The following SEPTIN2 variants were observed in gnomAD, a reference collection of about 807,000 sequenced individuals.
The protein encoded by SEPTIN2 is septin 2.
A neutral mutation model predicts 46.5 loss-of-function variants in SEPTIN2; 34 were observed. The ratio of observed to expected loss-of-function variants is 0.73; its 90% CI spans 0.56 to 0.97. SEPTIN2 has a LOEUF of 0.97. Ranked by LOEUF, SEPTIN2 falls within the 50% of genes least tolerant of loss-of-function variation. The pLI is 0.00. For missense variants in SEPTIN2, 347 were observed against 448.4 expected, an observed-to-expected ratio of 0.77 and a Z score of 2.04; for synonymous variants, 175 against 153.4, an observed-to-expected ratio of 1.14 and a Z score of -1.04.
Position 241,324,342 on chromosome 2 carries a change from A to G in SEPTIN2, c.9+101A>G, listed in dbSNP as rs141070143. On this transcript the variant is annotated intron_variant, in intron 2 of 12. Transcript: ENST00000391971. ...TATATGATTCATTATTTTTAATACA[A>G]CTGATACATTTGATTCATTAACACA... 2.4e-3 allele frequency: 2,261 copies of G among 935,330 alleles called. 38 individuals are homozygous for G. In the East Asian group the frequency reaches 0.028, roughly 11 times the overall value. The allele number at this position is 935,330 out of a possible 1,614,324, so 57.9% of individuals were successfully genotyped here.
At chr2:241,351,137 G>A (rs2060754601) in intron 12 of SEPTIN2, among the ~76,000 whole-genome samples, 1 of 152,082 alleles carries the variant, frequency 6.6e-6, no homozygotes, top group South Asian at 2.1e-4. Context: ...ATGAAAACAG[G>A]GAGGGGACTT....
intron 3 of SEPTIN2, among the ~76,000 whole-genome samples, chr2:241,328,156 C>T (rs932616307): frequency 2.0e-5 from 3 of 152,134 alleles, no homozygotes; most frequent in African/African-American, 7.2e-5. Flanking sequence ...CATAACTGGT[C>T]GGGCGTGATG....
intron 3 of SEPTIN2, among the ~76,000 whole-genome samples, chr2:241,330,545 A>G (rs776790083): frequency 6.6e-6 from 1 of 152,202 alleles, no homozygotes; most frequent in Non-Finnish European, 1.5e-5. Flanking sequence ...GCTGATAGAT[A>G]TTTAGGGGTG....
chr2:241,343,871 C>G lies in SEPTIN2; in HGVS notation c.816C>G (p.Asp272Glu). 1.9e-6 allele frequency: 3 copies of G among 1,614,216 alleles called. No homozygotes were observed. Among genetic ancestry groups the G allele is most frequent in the Non-Finnish European group, 2.5e-6 (3 of 1,180,022 alleles). Residue 272 changes from aspartate (D) to glutamate (E), a missense_variant, in exon 9 of 13, where the codon GAC becomes GAG. Transcript: ENST00000391971. ...VVEVENPEHNDFLKLRTMLIT... is the reference protein window; with the variant it reads ...VVEVENPEHNEFLKLRTMLIT... ...AAGTGGAGAACCCAGAGCACAATGA[C>G]TTTCTGAAGCTGAGAACCATGCTCA...
chr2:241,320,844 CT>C lies in SEPTIN2; in HGVS notation c.-17-3371del, dbSNP rs2077015127. On this transcript the variant is annotated intron_variant, in intron 1 of 12. Coordinates refer to ENST00000391971, the MANE Select transcript of SEPTIN2 (RefSeq NM_004404.5). ...TTTGTTTACCCTTCTTTTTCCCCCC[CT>C]CATAATTCATTTTTTCTCTTTATTG... Among the ~76,000 whole-genome samples the C allele has an allele frequency of 2.6e-5, 4 of 152,068 alleles. No individual in the cohort carries two copies. In the South Asian group the frequency reaches 6.2e-4, roughly 24 times the overall value.
chr2:241,338,774 ATTATAT>A (rs1396219198), intron 7 of SEPTIN2, among the ~76,000 whole-genome samples: 2 of 107,564 alleles, frequency 1.9e-5, no homozygotes, highest in Admixed American at 1.2e-4. Flanking sequence ...GTTTATATAT[ATTATAT>A]TTATATTATT....
intron 3 of SEPTIN2, among the ~76,000 whole-genome samples, chr2:241,334,828 A>G (rs2079651082): frequency 6.6e-6 from 1 of 152,224 alleles, no homozygotes; most frequent in Non-Finnish European, 1.5e-5. Flanking sequence ...TCTAAAGTAC[A>G]TTCCTCACAT....
chr2:241,348,450 C>T (rs775957231), intron 11 of SEPTIN2, among the ~76,000 whole-genome samples: 5 of 152,076 alleles, frequency 3.3e-5, no homozygotes, highest in African/African-American at 1.2e-4. Flanking sequence ...AGGCTGGTCT[C>T]GAACTCCTAA....
chr2:241,330,941 T>G (rs538189309), intron 3 of SEPTIN2, among the ~76,000 whole-genome samples: 1 of 152,308 alleles, frequency 6.6e-6, no homozygotes, highest in East Asian at 1.9e-4. Flanking sequence ...AGCCCGAGGC[T>G]GGCAGATCAC....
At chr2:241,350,527 T>C (rs1416125931) in intron 12 of SEPTIN2, among the ~76,000 whole-genome samples, 2 of 152,244 alleles carry the variant, frequency 1.3e-5, no homozygotes. Context: ...AAAGCACTTT[T>C]ATTAGTTGTA....
chr2:241,343,967 A>C, intron 9 of SEPTIN2, 70 bp downstream of exon 9: 1 of 1,565,676 alleles, frequency 6.4e-7, no homozygotes, highest in Non-Finnish European at 8.8e-7. Context: ...CGGGGTGTAC[A>C]CTTGGCCCCC....
intron 2 of SEPTIN2, 49 bp downstream of exon 2, chr2:241,324,290 G>T: frequency 6.7e-7 from 1 of 1,492,766 alleles, no homozygotes; most frequent in Non-Finnish European, 9.2e-7. Context: ...ATTGCTTTAT[G>T]TTTTCAGACT....
intron 3 of SEPTIN2, among the ~76,000 whole-genome samples, chr2:241,328,052 CAAGAA>C (rs950475685): frequency 3.0e-4 from 45 of 151,918 alleles, no homozygotes; most frequent in African/African-American, 8.9e-4. Context: ...GACCTTGTCT[CAAGAA>C]AAGAAAAAAG....
In SEPTIN2 at chr2:241,350,080, G is replaced by A. The variant is rs764293935; in HGVS notation, c.992G>A (p.Arg331His). 9 of 1,613,630 alleles carry A rather than the reference G, an allele frequency of 5.6e-6. No homozygotes were observed. The highest frequency in any genetic ancestry group is 1.3e-5 in the African/African-American group (1 of 74,904). Residue 331 changes from arginine (R) to histidine (H), a missense_variant, in exon 12 of 13, where the codon CGC (arginine) becomes CAC (histidine). Transcript: ENST00000391971. The stretch of plus-strand genomic sequence containing the variant: ...GTGTGTGTGTGTTCACAGCTCCGCC[G>A]CATGCAAGAGATGATTGCAAGGATG... Reference protein sequence around the residue: ...ILLEKEAELRRMQEMIARMQA... With the variant: ...ILLEKEAELRHMQEMIARMQA...
chr2:241,334,632 T>C (rs2079598428), intron 3 of SEPTIN2, among the ~76,000 whole-genome samples: 1 of 152,200 alleles, frequency 6.6e-6, no homozygotes. Context: ...AGGGTGTGCA[T>C]GTGAGCCCAC....
chr2:241,349,398 A>G (rs1054940610), intron 11 of SEPTIN2, among the ~76,000 whole-genome samples: 7 of 150,660 alleles, frequency 4.6e-5, no homozygotes, highest in African/African-American at 4.9e-5. Context: ...ATATATATGT[A>G]TATGTATGTA....
chr2:241,326,564 A>G (rs1259430637), intron 3 of SEPTIN2, among the ~76,000 whole-genome samples: 1 of 51,320 alleles, frequency 1.9e-5, no homozygotes, highest in Non-Finnish European at 4.2e-5. Context: ...TCCTGCATTG[A>G]ATAGGGTTTT....
At chr2:241,323,301 G>T (rs1218848094) in intron 1 of SEPTIN2, among the ~76,000 whole-genome samples, 3 of 152,072 alleles carry the variant, frequency 2.0e-5, no homozygotes, top group Non-Finnish European at 4.4e-5. Context: ...CTTCTGAGTA[G>T]CTGGGATCAC....
At position 241,319,547 on chromosome 2, in the gene SEPTIN2, T is replaced by C. The variant is rs141985702; in HGVS notation, c.-18+3565T>C. 1.3e-3 allele frequency among the ~76,000 whole-genome samples: 201 copies of C among 152,374 alleles called. 1 individual carries two copies. The highest frequency in any genetic ancestry group is 4.6e-3 in the African/African-American group (191 of 41,596). Reference sequence around the variant, plus strand: ...ATTTTCTATTGTTTAGAAAACAGTATTTGCCTTTGGTTTTCAGAAATATCC... The same window carrying C: ...ATTTTCTATTGTTTAGAAAACAGTACTTGCCTTTGGTTTTCAGAAATATCC... On this transcript the variant is annotated intron_variant, in intron 1 of 12. Transcript: ENST00000391971.
Sources: gnomAD v4.1 joint callset for allele counts (sites outside exome capture counted in the v4.1 genomes callset) on GRCh38, gnomAD v4.1.1 for gene constraint, MANE v1.5 for transcripts, NCBI Gene and HGNC (gene_info 2026-07-23, HGNC 2026-07-21) for gene names.